Variants in DPP6 observed in about 807,000 individuals in gnomAD.
DPP6 encodes the protein dipeptidyl peptidase like 6.
In DPP6, 69 loss-of-function variants were observed where a neutral mutation model predicts 122.6. The observed-to-expected ratio is 0.56, with a 90% CI of 0.46 to 0.69. The LOEUF is 0.69. Among genes scored for constraint, DPP6 ranks in the 30% least tolerant of loss-of-function variants. DPP6 has a pLI of 0.00. For synonymous variants in DPP6, 418 were observed against 433.1 expected (o/e 0.97, Z 0.43); for missense variants, 928 against 1,116.9 (o/e 0.83, Z 2.41).
chr7:153,911,920 C>A (rs1398047896), intron 1 of DPP6, among the ~76,000 whole-genome samples: 1 of 152,160 alleles, frequency 6.6e-6, no homozygotes, highest in Non-Finnish European at 1.5e-5. Flanking sequence ...AGGTGATAAT[C>A]CAAATCAGAT....
chr7:154,045,720 A>G (rs1799987697), intron 1 of DPP6, among the ~76,000 whole-genome samples: 1 of 152,266 alleles, frequency 6.6e-6, no homozygotes, highest in Admixed American at 6.5e-5. Context: ...CAAAAGGAGC[A>G]AGAAATTGAG....
intron 2 of DPP6, among the ~76,000 whole-genome samples, chr7:154,461,510 C>T (rs1821301566): frequency 1.3e-5 from 2 of 152,156 alleles, no homozygotes; most frequent in South Asian, 4.1e-4. Flanking sequence ...TCCTTTTCTG[C>T]ATATCATTGT....
intron 9 of DPP6, 27 bp downstream of exon 9, chr7:154,769,598 A>G: frequency 6.5e-7 from 1 of 1,541,866 alleles, no homozygotes; most frequent in Non-Finnish European, 8.8e-7. Context: ...CGCACAGCAA[A>G]TTCTTTATAT....
chr7:154,516,436 T>G (rs1826516391), intron 3 of DPP6, among the ~76,000 whole-genome samples: 1 of 152,194 alleles, frequency 6.6e-6, no homozygotes, highest in Non-Finnish European at 1.5e-5. Context: ...GGGAGGCATC[T>G]GCAGTCTCCC....
intron 1 of DPP6, among the ~76,000 whole-genome samples, chr7:154,324,615 G>C (rs550306173): frequency 6.6e-6 from 1 of 152,202 alleles, no homozygotes; most frequent in South Asian, 2.1e-4. Context: ...TCCATGTCTG[G>C]GTTGGGGGTG....
rs1413237989 is a variant in DPP6, at chr7:154,142,656, A to G, written c.243+89593A>G. Among the ~76,000 whole-genome samples, 4 of 152,222 alleles carry G rather than the reference A, an allele frequency of 2.6e-5. No individual in the cohort carries two copies. In the East Asian group the frequency reaches 5.8e-4, roughly 22 times the overall value. On this transcript the variant is annotated intron_variant, in intron 1 of 25. Transcript: ENST00000377770. Reference sequence around the variant, plus strand: ...GTTGATTAATGTCACATGGACTTCCATTGTGATTATTCTTTTAGCTCTGCC... The same window carrying G: ...GTTGATTAATGTCACATGGACTTCCGTTGTGATTATTCTTTTAGCTCTGCC...
intron 1 of DPP6, chr7:154,038,453 A>G (rs1427610567): frequency 3.7e-5 from 1 of 26,670 alleles, no homozygotes; most frequent in African/African-American, 1.9e-4. Flanking sequence ...ATAGTTCATC[A>G]TTTTTGAAAG....
At chr7:154,884,265 C>G (rs569449794) in intron 21 of DPP6, 2 of 149,804 alleles carry the variant, frequency 1.3e-5, no homozygotes, top group Admixed American at 1.3e-4. Flanking sequence ...TACACATGCT[C>G]ACACATACAC....
chr7:154,805,215 T>C (rs1234723806), intron 15 of DPP6, among the ~76,000 whole-genome samples: 2 of 152,256 alleles, frequency 1.3e-5, no homozygotes, highest in Non-Finnish European at 2.9e-5. Flanking sequence ...CACTTGCCTC[T>C]TTGGCTAACG....
At chr7:154,554,355 G>GT (rs1313529171) in intron 4 of DPP6, among the ~76,000 whole-genome samples, 5 of 151,164 alleles carry the variant, frequency 3.3e-5, no homozygotes, top group East Asian at 3.9e-4. Flanking sequence ...TATATTTAGG[G>GT]TTTTTTTTCA....
At chr7:154,467,643 T>C (rs866607070) in intron 2 of DPP6, among the ~76,000 whole-genome samples, 1 of 152,182 alleles carries the variant, frequency 6.6e-6, no homozygotes, top group African/African-American at 2.4e-5. Context: ...AGTGTGAGAA[T>C]GGGCTAATAC....
intron 1 of DPP6, among the ~76,000 whole-genome samples, chr7:154,042,673 G>A (rs1799823457): frequency 6.6e-6 from 1 of 152,136 alleles, no homozygotes; most frequent in African/African-American, 2.4e-5. Context: ...ACAAGGTATG[G>A]GCTAGTCAAC....
Position 154,461,303 on chromosome 7 carries a change from T to G in DPP6, c.359-13636T>G, listed in dbSNP as rs188401172. On this transcript the variant is annotated intron_variant, in intron 2 of 25. Transcript: ENST00000377770. ...TAGGGTTGCTTCCAAATCTTGGGTA[T>G]TGTAAACAGGTCTGCAACTAACAAA... Among the ~76,000 whole-genome samples, 3 of 152,328 alleles carry G rather than the reference T, an allele frequency of 2.0e-5. No homozygotes were observed. In the East Asian group the frequency reaches 5.8e-4, roughly 29 times the overall value.
chr7:153,976,149 G>A (rs1426787066), intron 1 of DPP6, among the ~76,000 whole-genome samples: 1 of 152,064 alleles, frequency 6.6e-6, no homozygotes, highest in African/African-American at 2.4e-5. Flanking sequence ...GAGTAAGGGT[G>A]AAGGAGAGGG....
intron 2 of DPP6, among the ~76,000 whole-genome samples, chr7:154,470,598 A>G (rs1409087248): frequency 6.6e-6 from 1 of 152,216 alleles, no homozygotes; most frequent in African/African-American, 2.4e-5. Context: ...TTTAACAAAT[A>G]TCTGAGGAAG....
intron 1 of DPP6, among the ~76,000 whole-genome samples, chr7:153,960,718 CGT>C (rs57286253): frequency 4.1e-4 from 61 of 147,356 alleles, no homozygotes; most frequent in African/African-American, 1.5e-3. Flanking sequence ...TGTGTGCATG[CGT>C]GTGTGTGTGT....
chr7:154,530,153 AAAG>A (rs1402648098), intron 3 of DPP6, among the ~76,000 whole-genome samples: 5 of 152,034 alleles, frequency 3.3e-5, no homozygotes, highest in South Asian at 4.2e-4. Context: ...AAAAGAAAAA[AAAG>A]AAGGAAATTA....
rs188867796 is a variant in DPP6, at chr7:154,345,625, G to A, written c.244-100589G>A. ...AGTCTTGGGACCTGTTGCTGTCCAC[G>A]CCCCTACCTTGGGCTTTGCTGTTCC... On this transcript the variant is annotated intron_variant, in intron 1 of 25. Transcript: ENST00000377770. Among the ~76,000 whole-genome samples, 72 of 152,198 alleles carry A rather than the reference G, an allele frequency of 4.7e-4. 1 individual carries two copies. Among genetic ancestry groups the A allele is most frequent in the Admixed American group, 4.1e-3 (63 of 15,288 alleles).
intron 1 of DPP6, among the ~76,000 whole-genome samples, chr7:154,271,288 G>T (rs1485736548): frequency 6.6e-6 from 1 of 152,116 alleles, no homozygotes. Context: ...CTCTCTCTGG[G>T]GTAGCAAACT....
Sources: allele counts gnomAD v4.1 joint callset (sites outside exome capture counted in the v4.1 genomes callset), GRCh38; gene constraint gnomAD v4.1.1; transcripts MANE v1.5; gene names NCBI Gene and HGNC (gene_info 2026-07-23, HGNC 2026-07-21).